SLC10A7: variants seen among roughly 807,000 people sequenced by gnomAD.
SLC10A7 encodes solute carrier family 10 member 7.
In SLC10A7, 29 loss-of-function variants were observed where a neutral mutation model predicts 43.2. That is an observed-to-expected ratio of 0.67 (90% CI 0.50 to 0.92). The LOEUF (loss-of-function observed/expected upper bound fraction) is 0.92, where lower values mean the gene tolerates loss of function less well. Among genes scored for constraint, SLC10A7 ranks in the 40% least tolerant of loss-of-function variants. The pLI is 0.00. For missense variants in SLC10A7, 295 were observed against 403.2 expected, an observed-to-expected ratio of 0.73 and a Z score of 2.30; for synonymous variants, 152 against 144.8, an observed-to-expected ratio of 1.05 and a Z score of -0.35.
intron 3 of SLC10A7, among the ~76,000 whole-genome samples, chr4:146,507,645 C>T (rs1435498932): frequency 3.9e-5 from 6 of 152,206 alleles, no homozygotes; most frequent in Admixed American, 3.3e-4. Context: ...CCACCATCAT[C>T]CCTGTCCAGA....
chr4:146,395,694 G>A (rs576221554), intron 5 of SLC10A7, among the ~76,000 whole-genome samples: 29 of 152,072 alleles, frequency 1.9e-4, no homozygotes, highest in Non-Finnish European at 3.5e-4. Context: ...ATGTAATAAC[G>A]TCAATGAAAA....
intron 5 of SLC10A7, among the ~76,000 whole-genome samples, chr4:146,358,556 G>A (rs1270593243): frequency 1.3e-5 from 2 of 152,006 alleles, no homozygotes; most frequent in African/African-American, 4.8e-5. Context: ...CCATTATTTG[G>A]ACTTTTGTCA....
Position 146,315,413 on chromosome 4 carries a change from A to G in SLC10A7, c.472-9404T>C, listed in dbSNP as rs539160786. On this transcript the variant is annotated intron_variant, in intron 6 of 11. Transcript: ENST00000335472. ...ACATCAAAGGAAAGGAAAGATATGC[A>G]AGTTTTTAAGTGATGTTAGACACAG... Among the ~76,000 whole-genome samples, 3 of 152,268 alleles carry G rather than the reference A, an allele frequency of 2.0e-5. No homozygotes were observed. The South Asian group carries it at 6.2e-4, about 32-fold the overall frequency.
At chr4:146,442,673 A>C in intron 5 of SLC10A7, 110 bp downstream of exon 5, 2 of 1,524,386 alleles carry the variant, frequency 1.3e-6, no homozygotes, top group Non-Finnish European at 8.8e-7. Flanking sequence ...AGATTCAACA[A>C]TTTTTATACT....
intron 4 of SLC10A7, among the ~76,000 whole-genome samples, chr4:146,461,594 C>A (rs1732532799): frequency 6.6e-6 from 1 of 151,982 alleles, no homozygotes. Flanking sequence ...TTTCTGTACA[C>A]ACACCCCAAT....
intron 4 of SLC10A7, among the ~76,000 whole-genome samples, chr4:146,453,035 G>GTATA: frequency 6.7e-6 from 1 of 149,858 alleles, no homozygotes; most frequent in East Asian, 1.9e-4. Flanking sequence ...GTGTGTGTGT[G>GTATA]TATATATATA....
At chr4:146,382,185 T>C (rs907705309) in intron 5 of SLC10A7, among the ~76,000 whole-genome samples, 2 of 152,198 alleles carry the variant, frequency 1.3e-5, no homozygotes, top group African/African-American at 4.8e-5. Flanking sequence ...TGTGCAATTA[T>C]AGCGATGTTA....
chr4:146,435,979 A>T (rs1199691592), intron 5 of SLC10A7, among the ~76,000 whole-genome samples: 1 of 152,034 alleles, frequency 6.6e-6, no homozygotes, highest in African/African-American at 2.4e-5. Context: ...GGGTAATAAA[A>T]TAACTCCAGT....
At chr4:146,444,115 A>G (rs1359732216) in intron 4 of SLC10A7, among the ~76,000 whole-genome samples, 1 of 152,256 alleles carries the variant, frequency 6.6e-6, no homozygotes, top group Non-Finnish European at 1.5e-5. Flanking sequence ...CTGGAATTCC[A>G]TTATGGATGA....
intron 2 of SLC10A7, among the ~76,000 whole-genome samples, chr4:146,516,210 C>G (rs1226679764): frequency 6.6e-6 from 1 of 151,802 alleles, no homozygotes; most frequent in Non-Finnish European, 1.5e-5. Context: ...GTAATTTCTT[C>G]AAGACCAAAT....
At chr4:146,405,916 G>T (rs1309181004) in intron 5 of SLC10A7, among the ~76,000 whole-genome samples, 2 of 151,996 alleles carry the variant, frequency 1.3e-5, no homozygotes, top group African/African-American at 4.8e-5. Flanking sequence ...GAGAAAAACT[G>T]AATTTGTGGA....
intron 10 of SLC10A7, among the ~76,000 whole-genome samples, chr4:146,278,814 A>G (rs1295775082): frequency 6.6e-6 from 1 of 152,170 alleles, no homozygotes; most frequent in African/African-American, 2.4e-5. Context: ...GATTTGTTCC[A>G]GCTTTTGGTG....
rs564964864 is a variant in SLC10A7 at position 146,347,545 on chromosome 4, G to C, written c.436-21549C>G. Reference sequence around the variant, plus strand: ...CAGGATTGTAAAGTTAGAATCTTAAGACTGTCCAAATCTTCTATGGCTGGC... The same window carrying C: ...CAGGATTGTAAAGTTAGAATCTTAACACTGTCCAAATCTTCTATGGCTGGC... On this transcript the variant is annotated intron_variant, in intron 5 of 11. Transcript: ENST00000335472. Among the ~76,000 whole-genome samples, 3 of 152,266 alleles carry C rather than the reference G, an allele frequency of 2.0e-5. No individual in the cohort carries two copies. The East Asian group carries it at 5.8e-4, about 29-fold the overall frequency.
intron 5 of SLC10A7, among the ~76,000 whole-genome samples, chr4:146,429,170 C>T (rs771070734): frequency 2.3e-4 from 35 of 151,818 alleles, no homozygotes; most frequent in Non-Finnish European, 4.1e-4. Context: ...GATTTAAAAC[C>T]TTGGAATTTA....
intron 2 of SLC10A7, among the ~76,000 whole-genome samples, chr4:146,512,423 A>G (rs980352237): frequency 4.6e-5 from 7 of 152,258 alleles, no homozygotes; most frequent in African/African-American, 1.7e-4. Flanking sequence ...TGTGATTGTA[A>G]ACATTTATAC....
At chr4:146,502,892 T>C (rs1736550585) in intron 4 of SLC10A7, among the ~76,000 whole-genome samples, 1 of 152,168 alleles carries the variant, frequency 6.6e-6, no homozygotes, top group Admixed American at 6.5e-5. Flanking sequence ...ATGGAAGGAA[T>C]GTCAAAGGGA....
At chr4:146,380,403 A>G (rs1001949661) in intron 5 of SLC10A7, among the ~76,000 whole-genome samples, 3 of 152,166 alleles carry the variant, frequency 2.0e-5, no homozygotes, top group Admixed American at 2.0e-4. Context: ...TGAAAAAGAG[A>G]GTTCTGCTCT....
intron 4 of SLC10A7, among the ~76,000 whole-genome samples, chr4:146,470,211 C>T (rs1437132275): frequency 6.6e-6 from 1 of 152,054 alleles, no homozygotes; most frequent in Admixed American, 6.6e-5. Context: ...CCTTTAATGT[C>T]TCTTCTTCAA....
chr4:146,402,775 T>C (rs1739312379), intron 5 of SLC10A7, among the ~76,000 whole-genome samples: 1 of 152,180 alleles, frequency 6.6e-6, no homozygotes. Flanking sequence ...CTATTACTGC[T>C]TTAGAGAAGC....
Sources: gnomAD v4.1 joint callset for allele counts (sites outside exome capture counted in the v4.1 genomes callset) on GRCh38, gnomAD v4.1.1 for gene constraint, MANE v1.5 for transcripts, NCBI Gene and HGNC (gene_info 2026-07-23, HGNC 2026-07-21) for gene names.